Variants in ST8SIA1 observed in about 807,000 individuals in gnomAD.
The protein encoded by ST8SIA1 is ST8 alpha-N-acetyl-neuraminide alpha-2,8-sialyltransferase 1.
In ST8SIA1, 16 loss-of-function variants were observed where a neutral mutation model predicts 35.9. The ratio of observed to expected loss-of-function variants is 0.45; its 90% confidence interval spans 0.30 to 0.68. ST8SIA1 has a LOEUF of 0.68. Among genes scored for constraint, ST8SIA1 ranks in the 30% least tolerant of loss-of-function variants. The pLI, the probability that ST8SIA1 is intolerant of heterozygous loss-of-function variation, is 0.09. For synonymous variants in ST8SIA1, 170 were observed against 169.6 expected, an observed-to-expected ratio of 1.00 and a Z score of -0.02; for missense variants, 383 against 453.6, an observed-to-expected ratio of 0.84 and a Z score of 1.41.
chr12:22,236,826 C>T (rs1865480475), intron 4 of ST8SIA1, among the ~76,000 whole-genome samples: 1 of 152,174 alleles, frequency 6.6e-6, no homozygotes, highest in Admixed American at 6.5e-5. Context: ...GATAAATGGA[C>T]ATTTATGCAG....
At chr12:22,222,400 G>A (rs1296798062) in intron 4 of ST8SIA1, among the ~76,000 whole-genome samples, 1 of 152,014 alleles carries the variant, frequency 6.6e-6, no homozygotes, top group Non-Finnish European at 1.5e-5. Context: ...TTTTGGTAGT[G>A]GATTTACATT....
chr12:22,289,497 CACTGGCCA>C (rs772812849), intron 1 of ST8SIA1, among the ~76,000 whole-genome samples: 29 of 152,168 alleles, frequency 1.9e-4, no homozygotes, highest in Non-Finnish European at 3.5e-4. Flanking sequence ...GCTGTGTAAA[CACTGGCCA>C]ACTGCCGCAG....
At chr12:22,238,706 T>A (rs1037398227) in intron 4 of ST8SIA1, among the ~76,000 whole-genome samples, 4 of 152,224 alleles carry the variant, frequency 2.6e-5, no homozygotes, top group African/African-American at 9.6e-5. Flanking sequence ...AATGTCATTT[T>A]CCAGTATTTT....
chr12:22,237,779 A>G (rs1313211680), intron 4 of ST8SIA1, among the ~76,000 whole-genome samples: 1 of 151,898 alleles, frequency 6.6e-6, no homozygotes, highest in Non-Finnish European at 1.5e-5. Context: ...ATGGATTTGT[A>G]GAAAAATCAT....
intron 2 of ST8SIA1, among the ~76,000 whole-genome samples, chr12:22,280,836 T>C (rs1041398284): frequency 3.3e-5 from 5 of 152,204 alleles, no homozygotes; most frequent in African/African-American, 1.2e-4. Context: ...TACACAGCAA[T>C]TTGAAGAACA....
Position 22,196,096 on chromosome 12 carries a change from A to C in ST8SIA1, c.*5456T>G, listed in dbSNP as rs1864984482. 1 of 152,250 alleles carries C rather than the reference A, an allele frequency of 6.6e-6. No homozygotes were observed. Among genetic ancestry groups the C allele is most frequent in the African/African-American group, 2.4e-5 (1 of 41,466 alleles). 9.4% of individuals were successfully genotyped at this position (152,250 alleles called of 1,614,324 possible). ...GAATTTTAGCACAATATAGAGATCA[A>C]TAGAAACACAGAGGAGTGACCATAA... On this transcript the variant is annotated 3_prime_UTR_variant, in exon 5 of 5. Coordinates refer to ENST00000396037, the MANE Select transcript of ST8SIA1 (RefSeq NM_003034.4).
intron 4 of ST8SIA1, among the ~76,000 whole-genome samples, chr12:22,245,300 GTC>G (rs976916179): frequency 2.6e-5 from 4 of 152,120 alleles, no homozygotes; most frequent in African/African-American, 9.7e-5. Flanking sequence ...TGTCTAAAGT[GTC>G]TCTCAATAAA....
intron 3 of ST8SIA1, among the ~76,000 whole-genome samples, chr12:22,255,078 G>A (rs1865714699): frequency 6.6e-6 from 1 of 152,022 alleles, no homozygotes; most frequent in Non-Finnish European, 1.5e-5. Flanking sequence ...AGCCTTCTTG[G>A]CTTTGTCCTT....
intron 1 of ST8SIA1, among the ~76,000 whole-genome samples, chr12:22,329,891 G>C (rs1472428130): frequency 6.6e-6 from 1 of 152,180 alleles, no homozygotes; most frequent in Non-Finnish European, 1.5e-5. Flanking sequence ...ACTGGTAACA[G>C]TGATGTGCCA....
chr12:22,334,055 C>T lies in ST8SIA1; in HGVS notation c.178G>A (p.Gly60Arg), dbSNP rs756061488. 20 of 1,614,006 alleles carry T rather than the reference C, an allele frequency of 1.2e-5. No individual in the cohort carries two copies. Among genetic ancestry groups the T allele is most frequent in the Non-Finnish European group, 1.7e-5 (20 of 1,180,038 alleles). ...RLPNEKEIVQ[G>R]VLQQGTAWRR... is the part of the protein sequence containing the mutation. ...CACGCCGTGCCCTGTTGCAGCACCC[C>T]CTGCACGATCTCTTTCTCGTTGGGC... is the stretch of plus-strand genomic sequence containing the variant. Residue 60 changes from glycine (G) to arginine (R), a missense_variant, in exon 1 of 5, where the codon GGG becomes AGG. Physicochemically the swap from Gly to Arg is moderately radical, Grantham distance 125 (BLOSUM62 -2). Coordinates refer to ENST00000396037, the MANE Select transcript of ST8SIA1 (RefSeq NM_003034.4).
chr12:22,243,839 C>T (rs376877659), intron 4 of ST8SIA1, among the ~76,000 whole-genome samples: 2 of 152,226 alleles, frequency 1.3e-5, no homozygotes, highest in Non-Finnish European at 2.9e-5. Context: ...CAAGACCAGC[C>T]TTGCCAACAT....
chr12:22,231,070 G>A (rs1033909508), intron 4 of ST8SIA1, among the ~76,000 whole-genome samples: 3 of 150,460 alleles, frequency 2.0e-5, no homozygotes, highest in East Asian at 1.9e-4. Flanking sequence ...GAAAATAAGT[G>A]AGCATGAGTA....
At chr12:22,308,027 G>C (rs1294572861) in intron 1 of ST8SIA1, among the ~76,000 whole-genome samples, 1 of 152,206 alleles carries the variant, frequency 6.6e-6, no homozygotes, top group Non-Finnish European at 1.5e-5. Context: ...CTGGGCTCAA[G>C]TGATACTCCC....
intron 1 of ST8SIA1, among the ~76,000 whole-genome samples, chr12:22,316,058 G>T (rs1321349330): frequency 3.3e-5 from 5 of 151,916 alleles, no homozygotes; most frequent in Middle Eastern, 3.4e-3. Context: ...AATAAAATAA[G>T]AATTAAATAT....
chr12:22,213,428 G>A (rs569742462), intron 4 of ST8SIA1, among the ~76,000 whole-genome samples: 43 of 152,182 alleles, frequency 2.8e-4, no homozygotes, highest in Non-Finnish European at 4.8e-4. Flanking sequence ...GCAGCATGGG[G>A]GTTCCAAACC....
intron 1 of ST8SIA1, among the ~76,000 whole-genome samples, chr12:22,290,459 C>T (rs1866161037): frequency 1.3e-5 from 2 of 152,296 alleles, no homozygotes; most frequent in Middle Eastern, 3.4e-3. Flanking sequence ...TTACCTAAAG[C>T]TGTGCTAGGT....
At chr12:22,262,439 C>G (rs1865803537) in intron 2 of ST8SIA1, among the ~76,000 whole-genome samples, 1 of 152,156 alleles carries the variant, frequency 6.6e-6, no homozygotes, top group Non-Finnish European at 1.5e-5. Flanking sequence ...GACTCCACCC[C>G]CAACCCTGAA....
Position 22,201,458 on chromosome 12 carries a change from C to A in ST8SIA1, c.*94G>T, listed in dbSNP as rs1591822081. On this transcript the variant is annotated 3_prime_UTR_variant, in exon 5 of 5. Transcript: ENST00000396037. ...TTTCCTGTTTTTCCAAGGGCCCATGCAAACTCATGAAACAACTTGACCATT... is the reference window on the plus strand; with the variant it reads ...TTTCCTGTTTTTCCAAGGGCCCATGAAAACTCATGAAACAACTTGACCATT... 6.7e-7 allele frequency: 1 copy of A among 1,481,644 alleles called. No individual in the cohort carries two copies. Among genetic ancestry groups the A allele is most frequent in the East Asian group, 2.3e-5 (1 of 43,480 alleles). The allele number at this position is 1,481,644 out of a possible 1,614,324, so 91.8% of individuals were successfully genotyped here.
In ST8SIA1 at chr12:22,245,199, T is replaced by C. The variant is rs902429475; in HGVS notation, c.584+3807A>G. On this transcript the variant is annotated intron_variant, in intron 4 of 4. Coordinates refer to ENST00000396037, the MANE Select transcript of ST8SIA1 (RefSeq NM_003034.4). ...ATTAGGATTTCTATTGGAATTTCAA[T>C]GAATCTGTAGATAGATTTGGGTAGA... 5.3e-5 allele frequency among the ~76,000 whole-genome samples: 8 copies of C among 152,226 alleles called. No individual in the cohort carries two copies. The East Asian group carries it at 1.3e-3, about 26-fold the overall frequency.
Sources: allele counts gnomAD v4.1 joint callset (sites outside exome capture counted in the v4.1 genomes callset), GRCh38; gene constraint gnomAD v4.1.1; transcripts MANE v1.5; gene names NCBI Gene and HGNC (gene_info 2026-07-23, HGNC 2026-07-21).